Variants in PDE6C observed in about 807,000 individuals in gnomAD.
PDE6C encodes the protein cone cGMP-specific 3',5'-cyclic phosphodiesterase subunit alpha'.
A neutral mutation model predicts 113.1 loss-of-function variants in PDE6C; 75 were observed. That is an observed-to-expected ratio of 0.66 (90% CI 0.55 to 0.80). The LOEUF is 0.80. Among genes scored for constraint, PDE6C ranks in the 30% least tolerant of loss-of-function variants. The pLI is 0.00. For synonymous variants in PDE6C, 375 were observed against 363.7 expected, an observed-to-expected ratio of 1.03 and a Z score of -0.35; for missense variants, 912 against 1,038.6, an observed-to-expected ratio of 0.88 and a Z score of 1.67.
rs1415447225 is a variant in PDE6C, at chr10:93,618,934, G to T, written c.481-1698G>T. 3.3e-5 allele frequency among the ~76,000 whole-genome samples: 5 copies of T among 152,200 alleles called. No homozygotes were observed. The East Asian group carries it at 9.6e-4, about 29-fold the overall frequency. ...GGTTTGTGCTGCTTTTAGAAGCACTGCCAACACAGGGAAATGAAAATAATA... is the reference window on the plus strand; with the variant it reads ...GGTTTGTGCTGCTTTTAGAAGCACTTCCAACACAGGGAAATGAAAATAATA... On this transcript the variant is annotated intron_variant, in intron 1 of 21. Coordinates refer to ENST00000371447, the MANE Select transcript of PDE6C (RefSeq NM_006204.4).
chr10:93,654,756 TTC>T (rs1327917204), intron 15 of PDE6C, among the ~76,000 whole-genome samples: 6 of 35,386 alleles, frequency 1.7e-4, no homozygotes, highest in East Asian at 9.6e-4. Flanking sequence ...CTCATTTTCT[TTC>T]TTTCTTTCTT....
rs369312766 is a variant in PDE6C, at chr10:93,662,175, T to G, written c.2283+42T>G. 7 of 1,347,918 alleles carry G rather than the reference T, an allele frequency of 5.2e-6. No homozygotes were observed. In the South Asian group the frequency reaches 7.0e-5, roughly 13 times the overall value. The allele number at this position is 1,347,918 out of a possible 1,614,324, so 83.5% of individuals were successfully genotyped here. A position where few individuals can be genotyped will look rare whatever the true frequency, so the allele number is the denominator to read the frequency against. ...AAAATGTATTACTTATTAAAAGTTATCAGGACAGGCCGGGCGCGGTGGCTC... is the reference window on the plus strand; with the variant it reads ...AAAATGTATTACTTATTAAAAGTTAGCAGGACAGGCCGGGCGCGGTGGCTC... On this transcript the variant is annotated intron_variant, in intron 19 of 21. Transcript: ENST00000371447.
At position 93,612,961 on chromosome 10, in the gene PDE6C, G is replaced by T; in HGVS notation, c.236G>T (p.Gly79Val). 1 of 1,613,962 alleles carries T rather than the reference G, an allele frequency of 6.2e-7. No individual in the cohort carries two copies. The highest frequency in any genetic ancestry group is 8.5e-7 in the Non-Finnish European group (1 of 1,179,976). ...VQEEGGTPEQ[G>V]VHRALQRLAH... ...GAGGAGGGGGGCACCCCAGAGCAGG[G>T]GGTTCACAGGGCCCTGCAGAGGCTG... The change falls in exon 1 of 22, where the codon GGG (glycine) becomes GTG (valine). Residue 79 changes from glycine (G) to valine (V), a missense_variant. By Grantham distance (109) the Gly-to-Val change is moderately radical (BLOSUM62 -3). Coordinates refer to ENST00000371447, the MANE Select transcript of PDE6C (RefSeq NM_006204.4).
At chr10:93,655,947 G>A (rs1415571726) in intron 16 of PDE6C, 87 bp downstream of exon 16, 4 of 806,944 alleles carry the variant, frequency 5.0e-6, no homozygotes, top group Admixed American at 3.4e-5. Context: ...AATGTTAAAA[G>A]GCATTTATTC....
At chr10:93,641,180 T>C (rs1452581834) in intron 14 of PDE6C, 151 bp downstream of exon 14, 1 of 624,106 alleles carries the variant, frequency 1.6e-6, no homozygotes, top group Non-Finnish European at 2.9e-6. Context: ...CCTCCCAAGC[T>C]TCCGCCTTCA....
At chr10:93,656,362 AG>A (rs1420076575) in intron 16 of PDE6C, among the ~76,000 whole-genome samples, 1 of 152,184 alleles carries the variant, frequency 6.6e-6, no homozygotes, top group Admixed American at 6.5e-5. Flanking sequence ...CGTAACAGAG[AG>A]CCAGCCTATT....
chr10:93,629,133 C>T lies in PDE6C; in HGVS notation c.1072-125C>T, dbSNP rs140654783. On this transcript the variant is annotated intron_variant, in intron 7 of 21. Transcript: ENST00000371447. ...GTGGCCTAGTTGAGGTCCATTTGCC[C>T]GCAAGCAGTCAAGAGCCGTGTAGAA... 2.2e-4 allele frequency: 174 copies of T among 807,656 alleles called. 1 individual carries two copies. The African/African-American group carries it at 2.4e-3, about 11-fold the overall frequency. The allele number at this position is 807,656 out of a possible 1,614,324, so 50.0% of individuals were successfully genotyped here. A position where few individuals can be genotyped will look rare whatever the true frequency, so the allele number is the denominator to read the frequency against.
At chr10:93,664,517 G>A (rs2058681213) in intron 21 of PDE6C, among the ~76,000 whole-genome samples, 1 of 152,162 alleles carries the variant, frequency 6.6e-6, no homozygotes, top group African/African-American at 2.4e-5. Context: ...AGAGATTTAA[G>A]GTAAGATATG....
chr10:93,621,003 C>T lies in PDE6C; in HGVS notation c.723+23C>T, dbSNP rs529835092. ...CAGGTAAAAGGAAGGCAGCATTAGTCATTCCATGCTGACCTATTCTGACAA... is the reference window on the plus strand; with the variant it reads ...CAGGTAAAAGGAAGGCAGCATTAGTTATTCCATGCTGACCTATTCTGACAA... On this transcript the variant is annotated intron_variant, in intron 3 of 21. Transcript: ENST00000371447. 18 of 1,577,514 alleles carry T rather than the reference C, an allele frequency of 1.1e-5. No homozygotes were observed. The African/African-American group carries it at 2.4e-4, about 21-fold the overall frequency.
chr10:93,659,147 C>G lies in PDE6C; in HGVS notation c.2188C>G (p.Pro730Ala). Residue 730 changes from proline (P) to alanine (A), a missense_variant, in exon 18 of 22, where the codon CCC becomes GCC. By Grantham distance (27) the Pro-to-Ala change is conservative. Transcript: ENST00000371447. ...ATGTGACTTGTCTGCTATTACCAAG[C>G]CCTGGGAGGTGCAAAGTCAGGTGAG... is the stretch of plus-strand genomic sequence containing the variant. ...TACDLSAITK[P>A]WEVQSQVALM... The G allele has an allele frequency of 1.2e-6, 2 of 1,610,796 alleles. No homozygotes were observed. The highest frequency in any genetic ancestry group is 1.1e-5 in the South Asian group (1 of 90,896).
chr10:93,622,257 C>T (rs1313313836), intron 4 of PDE6C, among the ~76,000 whole-genome samples, 185 bp downstream of exon 4: 4 of 151,100 alleles, frequency 2.6e-5, no homozygotes, highest in African/African-American at 7.3e-5. Context: ...GGTTTTTCCA[C>T]TTCCTAGTAA....
intron 4 of PDE6C, among the ~76,000 whole-genome samples, chr10:93,624,711 C>T (rs968451330): frequency 1.3e-5 from 2 of 152,170 alleles, no homozygotes; most frequent in African/African-American, 4.8e-5. Flanking sequence ...ACATCAGACA[C>T]AGCTAAAAGC....
chr10:93,657,089 G>A (rs763852479), intron 16 of PDE6C, among the ~76,000 whole-genome samples: 14 of 151,866 alleles, frequency 9.2e-5, no homozygotes, highest in East Asian at 5.8e-4. Flanking sequence ...AGATATCACC[G>A]TCTGACGTTG....
chr10:93,649,829 C>A (rs1339024282), intron 15 of PDE6C, among the ~76,000 whole-genome samples: 2 of 151,968 alleles, frequency 1.3e-5, no homozygotes, highest in East Asian at 1.9e-4. Context: ...GGTCTCGAAC[C>A]CCCAACCTCA....
chr10:93,651,684 A>T (rs920519388), intron 15 of PDE6C, among the ~76,000 whole-genome samples: 3 of 152,312 alleles, frequency 2.0e-5, no homozygotes, highest in East Asian at 1.9e-4. Flanking sequence ...TAAAGCTCAC[A>T]CTGAGCAAAG....
chr10:93,646,618 A>G (rs2058585643), intron 15 of PDE6C, among the ~76,000 whole-genome samples: 1 of 152,112 alleles, frequency 6.6e-6, no homozygotes, highest in Admixed American at 6.5e-5. Context: ...GTGGAAGCTG[A>G]AGGGGGAGCG....
At chr10:93,629,747 A>G (rs1323811384) in intron 8 of PDE6C, among the ~76,000 whole-genome samples, 2 of 152,206 alleles carry the variant, frequency 1.3e-5, no homozygotes, top group Non-Finnish European at 2.9e-5. Flanking sequence ...AAGAGGGTTC[A>G]CACTCCTATG....
At chr10:93,645,908 CTA>C (rs3085185) in intron 14 of PDE6C, 50 bp from the exon 15 acceptor site, 471,500 of 1,025,772 alleles carry the variant, frequency 0.46, 110,016 homozygotes, top group Non-Finnish European at 0.47. Context: ...TTGTATGAAC[CTA>C]TGTGTAATTT....
intron 1 of PDE6C, among the ~76,000 whole-genome samples, chr10:93,613,603 C>T (rs2058404218): frequency 6.6e-6 from 1 of 152,148 alleles, no homozygotes; most frequent in Non-Finnish European, 1.5e-5. Context: ...GCCAACGTGC[C>T]CAGATGCCAA....
Sources: gnomAD v4.1 joint callset for allele counts (sites outside exome capture counted in the v4.1 genomes callset) on GRCh38, gnomAD v4.1.1 for gene constraint, MANE v1.5 for transcripts, NCBI Gene and HGNC (gene_info 2026-07-23, HGNC 2026-07-21) for gene names.